The following SLC9A9 variants were observed in gnomAD, a reference collection of about 807,000 sequenced individuals.
The protein encoded by SLC9A9 is solute carrier family 9 member A9.
In SLC9A9, 62 loss-of-function variants were observed where a neutral mutation model predicts 77.8. The observed-to-expected ratio is 0.80, with a 90% CI of 0.65 to 0.98. The LOEUF (loss-of-function observed/expected upper bound fraction) is 0.98. Ranked by LOEUF, SLC9A9 falls within the 50% of genes least tolerant of loss-of-function variation. The pLI is 0.00. For missense variants in SLC9A9, 775 were observed against 774.9 expected, an observed-to-expected ratio of 1.00 and a Z score of 0.00; for synonymous variants, 320 against 283.5, an observed-to-expected ratio of 1.13 and a Z score of -1.29.
intron 12 of SLC9A9, among the ~76,000 whole-genome samples, chr3:143,445,284 G>T (rs2034822928): frequency 6.6e-6 from 1 of 152,096 alleles, no homozygotes; most frequent in South Asian, 2.1e-4. Flanking sequence ...AGTCCTTTGA[G>T]GACATGCATG....
chr3:143,268,624 T>C (rs1434618405), intron 15 of SLC9A9, among the ~76,000 whole-genome samples: 1 of 149,342 alleles, frequency 6.7e-6, no homozygotes, highest in Admixed American at 6.7e-5. Context: ...TCCCAGCTAC[T>C]CGGGAGGCCG....
At chr3:143,783,840 G>T (rs1448324210) in intron 4 of SLC9A9, among the ~76,000 whole-genome samples, 3 of 152,128 alleles carry the variant, frequency 2.0e-5, no homozygotes, top group Non-Finnish European at 4.4e-5. Flanking sequence ...ACTCTCCAAG[G>T]CCCGGGAAAG....
chr3:143,477,620 C>T (rs1398513457), intron 11 of SLC9A9, among the ~76,000 whole-genome samples: 2 of 152,124 alleles, frequency 1.3e-5, no homozygotes, highest in African/African-American at 4.8e-5. Context: ...TTACATCAAC[C>T]CTGGCTTGTG....
chr3:143,526,733 T>C (rs2036413054), intron 9 of SLC9A9, among the ~76,000 whole-genome samples: 1 of 152,206 alleles, frequency 6.6e-6, no homozygotes, highest in Non-Finnish European at 1.5e-5. Context: ...AAAAACAATT[T>C]TTGTTCCTTG....
chr3:143,504,883 C>T (rs573075086), intron 9 of SLC9A9, among the ~76,000 whole-genome samples: 1 of 152,150 alleles, frequency 6.6e-6, no homozygotes, highest in South Asian at 2.1e-4. Flanking sequence ...GTCCAAGGCT[C>T]ACACCATTTG....
intron 9 of SLC9A9, among the ~76,000 whole-genome samples, chr3:143,515,351 A>T (rs72991988): frequency 3.9e-5 from 6 of 152,222 alleles, no homozygotes; most frequent in African/African-American, 1.4e-4. Flanking sequence ...AAATGAGCAC[A>T]TGCTGCTGGA....
At chr3:143,735,537 C>T (rs1298541677) in intron 4 of SLC9A9, among the ~76,000 whole-genome samples, 1 of 152,166 alleles carries the variant, frequency 6.6e-6, no homozygotes, top group Non-Finnish European at 1.5e-5. Context: ...CAGTACCTGG[C>T]ATACACGAGT....
chr3:143,790,109 C>A (rs1208109871), intron 4 of SLC9A9, among the ~76,000 whole-genome samples: 1 of 152,066 alleles, frequency 6.6e-6, no homozygotes, highest in Non-Finnish European at 1.5e-5. Flanking sequence ...CTCATTAGAT[C>A]TGATAGTTTT....
At position 143,767,478 on chromosome 3, in the gene SLC9A9, C is replaced by T. The variant is rs569026658; in HGVS notation, c.533+27523G>A. Among the ~76,000 whole-genome samples the T allele has an allele frequency of 5.3e-5, 8 of 151,840 alleles. No homozygotes were observed. The South Asian group carries it at 1.0e-3, about 20-fold the overall frequency. On this transcript the variant is annotated intron_variant, in intron 4 of 15. Coordinates refer to ENST00000316549, the MANE Select transcript of SLC9A9 (RefSeq NM_173653.4). The stretch of plus-strand genomic sequence containing the variant: ...TTTGTTTGGAGGGAGGATAGTTCCA[C>T]GGACAAATGTCTTGTTAACCTCAAC...
chr3:143,646,374 G>T (rs1360884419), intron 6 of SLC9A9, among the ~76,000 whole-genome samples: 1 of 147,136 alleles, frequency 6.8e-6, no homozygotes, highest in Non-Finnish European at 1.5e-5. Flanking sequence ...ATAATTTTAG[G>T]TGCATTTGCA....
At chr3:143,775,640 T>A (rs145346505) in intron 4 of SLC9A9, among the ~76,000 whole-genome samples, 1 of 152,342 alleles carries the variant, frequency 6.6e-6, no homozygotes, top group Non-Finnish European at 1.5e-5. Context: ...AATTGTTTCA[T>A]TCTGTTGATT....
At chr3:143,337,666 A>T (rs891013647) in intron 14 of SLC9A9, among the ~76,000 whole-genome samples, 19 of 152,166 alleles carry the variant, frequency 1.2e-4, no homozygotes, top group African/African-American at 4.6e-4. Context: ...AGTGAAGTGA[A>T]CTCTAAACAA....
rs116160714 is a variant in SLC9A9 at position 143,378,355 on chromosome 3, C to T, written c.1524+3705G>A. Among the ~76,000 whole-genome samples, 452 of 152,296 alleles carry T rather than the reference C, an allele frequency of 3.0e-3. 3 individuals are homozygous for T. The highest frequency in any genetic ancestry group is 0.01 in the African/African-American group (431 of 41,546). ...GTCTGGGTTCAAATTCCACCTCTCC[C>T]TTCTGTGTGTTCTTGGGCAAGTTTT... On this transcript the variant is annotated intron_variant, in intron 13 of 15. Transcript: ENST00000316549.
chr3:143,301,545 A>G (rs1401458716), intron 14 of SLC9A9, among the ~76,000 whole-genome samples: 3 of 152,212 alleles, frequency 2.0e-5, no homozygotes, highest in Non-Finnish European at 4.4e-5. Flanking sequence ...GTAGAATGGA[A>G]TAGCTGGGTG....
At chr3:143,380,625 C>T (rs898113281) in intron 13 of SLC9A9, among the ~76,000 whole-genome samples, 2 of 152,178 alleles carry the variant, frequency 1.3e-5, no homozygotes, top group Non-Finnish European at 2.9e-5. Flanking sequence ...TGGCTCTAAT[C>T]CCAGTGCTTT....
intron 9 of SLC9A9, among the ~76,000 whole-genome samples, chr3:143,526,951 T>C (rs1311683408): frequency 6.6e-6 from 1 of 152,196 alleles, no homozygotes; most frequent in Admixed American, 6.5e-5. Flanking sequence ...TATATATAGA[T>C]AAGTGTGACA....
Position 143,627,567 on chromosome 3 carries a change from C to T in SLC9A9, c.755+24688G>A, listed in dbSNP as rs114220597. On this transcript the variant is annotated intron_variant, in intron 6 of 15. Transcript: ENST00000316549. ...AGAAGGAGTGGAACTATGTAGTCAG[C>T]GGTGGTTCTTTTCTGGCAGACCTCT... 1.4e-3 allele frequency: 442 copies of T among 317,196 alleles called. 2 individuals are homozygous for T. The highest frequency in any genetic ancestry group is 6.5e-3 in the African/African-American group (292 of 45,180). 19.6% of individuals were successfully genotyped at this position (317,196 alleles called of 1,614,324 possible).
chr3:143,430,490 G>A (rs2034492974), intron 12 of SLC9A9, among the ~76,000 whole-genome samples: 1 of 152,226 alleles, frequency 6.6e-6, no homozygotes, highest in Admixed American at 6.5e-5. Context: ...ATGTTCACAG[G>A]CATGCAGGAA....
intron 12 of SLC9A9, among the ~76,000 whole-genome samples, chr3:143,392,485 A>G (rs1030980704): frequency 2.0e-5 from 3 of 152,328 alleles, no homozygotes; most frequent in African/African-American, 7.2e-5. Context: ...GGTACCAGCC[A>G]CTGCAAAAAC....
Sources: gnomAD v4.1 joint callset for allele counts (sites outside exome capture counted in the v4.1 genomes callset) on GRCh38, gnomAD v4.1.1 for gene constraint, MANE v1.5 for transcripts, NCBI Gene and HGNC (gene_info 2026-07-23, HGNC 2026-07-21) for gene names.